Variants in BCOR observed in about 807,000 individuals in gnomAD.
BCOR encodes BCL-6 corepressor.
A neutral mutation model predicts 86.7 loss-of-function variants in BCOR; 10 were observed. The ratio of observed to expected loss-of-function variants is 0.12; its 90% CI spans 0.07 to 0.20. The LOEUF is 0.20. Ranked by LOEUF, BCOR falls within the 10% of genes least tolerant of loss-of-function variation. The pLI is 1.00. For synonymous variants in BCOR, 611 were observed against 609.0 expected, an observed-to-expected ratio of 1.00 and a Z score of -0.05; for missense variants, 1,259 against 1,452.1, an observed-to-expected ratio of 0.87 and a Z score of 2.16.
At chrX:40,105,020 G>A (rs1468278728) in intron 1 of BCOR, among the ~76,000 whole-genome samples, 1 of 111,155 alleles carries the variant, frequency 9.0e-6, no homozygotes, top group Non-Finnish European at 1.9e-5. Flanking sequence ...GGGCCCGCGG[G>A]TAAGCTGAGT....
intron 1 of BCOR, among the ~76,000 whole-genome samples, chrX:40,146,075 C>T (rs916766179): frequency 2.7e-5 from 3 of 112,519 alleles, no homozygotes; most frequent in Admixed American, 9.3e-5. Context: ...CACCCTGCAA[C>T]ACAGTACACG....
intron 10 of BCOR, among the ~76,000 whole-genome samples, chrX:40,060,467 G>A (rs1310176701): frequency 8.9e-6 from 1 of 112,328 alleles, no homozygotes; most frequent in Non-Finnish European, 1.9e-5. Context: ...ACCCACAAGG[G>A]TCTCTTGAAG....
intron 7 of BCOR, 43 bp from the exon 8 acceptor site, chrX:40,063,995 G>A (rs373378221): frequency 2.5e-5 from 25 of 1,005,260 alleles, no homozygotes; most frequent in East Asian, 1.0e-4. Context: ...AGCCCCCCGG[G>A]GGGGAACAAA....
In BCOR at chrX:40,071,179, G is replaced by GA; in HGVS notation, c.3052-21_3052-20insT. On this transcript the variant is annotated intron_variant, in intron 5 of 14. Transcript: ENST00000378444. ...TGCACGCTAGAAAGAGAACGGAGATGGAAAAAAAAAAAAACAACACCTTAC... is the reference window on the plus strand; with the variant it reads ...TGCACGCTAGAAAGAGAACGGAGATGAGAAAAAAAAAAAAACAACACCTTAC... 3.6e-6 allele frequency: 4 copies of GA among 1,113,847 alleles called. No homozygotes were observed. Among genetic ancestry groups the GA allele is most frequent in the Admixed American group, 2.7e-5 (1 of 36,372 alleles). The allele number at this position is 1,113,847 out of a possible 1,213,427, so 91.8% of individuals were successfully genotyped here. A position where few individuals can be genotyped will look rare whatever the true frequency, so the allele number is the denominator to read the frequency against.
Position 40,062,845 on chromosome X carries a change from G to A in BCOR, c.4074C>T (p.Ser1358=), listed in dbSNP as rs182401624. 24 of 1,210,043 alleles carry A rather than the reference G, an allele frequency of 2.0e-5. No individual in the cohort carries two copies. Among genetic ancestry groups the A allele is most frequent in the East Asian group, 3.0e-5 (1 of 33,768 alleles). ...GTTTGGTTTTGCACAGTCTCTTCCC[G>A]GATGGCTTCTCGCTGTTGTCGGTGT... The part of the protein sequence containing the change: ...QKYTDNSEKP[S]GKRLCKTKHL... Residue 1358 remains serine, a synonymous_variant, in exon 9 of 15, where the codon TCC becomes TCT. Transcript: ENST00000378444.
At chrX:40,172,873 TCCTCGGCA>T (rs772263482) in intron 1 of BCOR, among the ~76,000 whole-genome samples, 3 of 112,479 alleles carry the variant, frequency 2.7e-5, no homozygotes, top group Non-Finnish European at 3.8e-5. Context: ...GATAAGGAGT[TCCTCGGCA>T]ATCGGCTGTC....
intron 6 of BCOR, among the ~76,000 whole-genome samples, chrX:40,068,688 G>C (rs780263525): frequency 8.8e-6 from 1 of 113,049 alleles, no homozygotes; most frequent in East Asian, 2.8e-4. Flanking sequence ...ACACCTCCGT[G>C]TTCCCTACCC....
Position 40,065,047 on chromosome X carries a change from C to T in BCOR, c.3239-448G>A, listed in dbSNP as rs1935131633. On this transcript the variant is annotated intron_variant, in intron 6 of 14. Transcript: ENST00000378444. ...CTGATAGGATAAAGTGACCAAATAT[C>T]CCCAAAATGTCATCTATCGAAGGGA... Among the ~76,000 whole-genome samples, 5 of 112,149 alleles carry T rather than the reference C, an allele frequency of 4.5e-5. No homozygotes were observed. In the Admixed American group the frequency reaches 4.7e-4, roughly 11 times the overall value.
At chrX:40,124,306 T>C (rs1937519401) in intron 1 of BCOR, among the ~76,000 whole-genome samples, 1 of 109,684 alleles carries the variant, frequency 9.1e-6, no homozygotes, top group African/African-American at 3.3e-5. Context: ...AGCATCTCAC[T>C]CTGTCACCCA....
intron 1 of BCOR, among the ~76,000 whole-genome samples, chrX:40,175,778 G>C (rs1248093757): frequency 8.8e-6 from 1 of 113,065 alleles, no homozygotes; most frequent in Non-Finnish European, 1.9e-5. Context: ...TCCCCGCTAC[G>C]AGACCGTTCC....
At chrX:40,146,247 G>A (rs931150848) in intron 1 of BCOR, among the ~76,000 whole-genome samples, 4 of 111,635 alleles carry the variant, frequency 3.6e-5, no homozygotes, top group African/African-American at 1.3e-4. Flanking sequence ...GCGGAGGCGC[G>A]GAGCCGGGGC....
intron 1 of BCOR, among the ~76,000 whole-genome samples, chrX:40,111,927 C>T (rs768412871): frequency 9.0e-6 from 1 of 111,217 alleles, no homozygotes; most frequent in African/African-American, 3.3e-5. Flanking sequence ...GGTGGAATTT[C>T]ACTGTATAGA....
chrX:40,063,738 C>G lies in BCOR; in HGVS notation c.3717G>C (p.Gln1239His). Residue 1239 changes from glutamine (Q) to histidine (H), a missense_variant, in exon 8 of 15, where the codon CAG becomes CAC. By Grantham distance (24) the Gln-to-His change is conservative. This residue lies in a region of BCOR where 305 missense variants were observed against 286.1 expected (regional missense o/e 1.07). Transcript: ENST00000378444. Reference sequence around the variant, plus strand: ...GAGGAATGGCCTCAGGCTGAGTGGCCTGGGTCACTTCCTTCCTGCTTTGCC... The same window carrying G: ...GAGGAATGGCCTCAGGCTGAGTGGCGTGGGTCACTTCCTTCCTGCTTTGCC... ...PGRQSRKEVT[Q>H]ATQPEAIPQG... 2 of 1,211,979 alleles carry G rather than the reference C, an allele frequency of 1.7e-6. No individual in the cohort carries two copies. The highest frequency in any genetic ancestry group is 2.2e-6 in the Non-Finnish European group (2 of 895,544).
At chrX:40,101,959 A>G, upstream of BCOR, among the ~76,000 whole-genome samples, 1 of 111,821 alleles carries the variant, frequency 8.9e-6, no homozygotes, top group Non-Finnish European at 1.9e-5. Context: ...ACTTTGTACA[A>G]GAACTCTGGG....
At chrX:40,101,787 C>T (rs1381307737), upstream of BCOR, among the ~76,000 whole-genome samples, 1 of 112,804 alleles carries the variant, frequency 8.9e-6, no homozygotes, top group Non-Finnish European at 1.9e-5. Context: ...AAGCTTATAA[C>T]GTATGTGTAG....
intron 1 of BCOR, among the ~76,000 whole-genome samples, chrX:40,136,305 T>C (rs1467943283): frequency 8.9e-6 from 1 of 111,942 alleles, no homozygotes; most frequent in Non-Finnish European, 1.9e-5. Flanking sequence ...CACTGACATG[T>C]ATGTAGGAAA....
At chrX:40,176,798 C>A (rs1469306092) in intron 1 of BCOR, among the ~76,000 whole-genome samples, 2 of 111,663 alleles carry the variant, frequency 1.8e-5, no homozygotes, top group Non-Finnish European at 3.8e-5. Context: ...CGGCCCTTGT[C>A]CCAGCCCGGC....
Position 40,073,710 on chromosome X carries a change from G to A in BCOR, c.1636C>T (p.Arg546Cys), listed in dbSNP as rs749267751. 1 of 1,212,602 alleles carries A rather than the reference G, an allele frequency of 8.2e-7. No homozygotes were observed. The highest frequency in any genetic ancestry group is 1.1e-6 in the Non-Finnish European group (1 of 895,684). The change falls in exon 4 of 15, where the codon CGC becomes TGC. Residue 546 changes from arginine to cysteine, a missense_variant. By Grantham distance (180) the Arg-to-Cys change is radical. Around this residue, in one of 7 missense-constraint regions of BCOR, gnomAD observed 534 missense variants for 594.8 expected, o/e 0.90. Transcript: ENST00000378444. Reference sequence around the variant, plus strand: ...ATGACAGCATCGGTGCCGCCCATGCGCGGGCATGATGAACTCCGCTGCTGT... The same window carrying A: ...ATGACAGCATCGGTGCCGCCCATGCACGGGCATGATGAACTCCGCTGCTGT... Reference protein sequence around the residue: ...IPQQRSSSCPRMGGTDAVITN... With the variant: ...IPQQRSSSCPCMGGTDAVITN...
At chrX:40,158,861 G>A (rs1445858038) in intron 1 of BCOR, among the ~76,000 whole-genome samples, 1 of 112,491 alleles carries the variant, frequency 8.9e-6, no homozygotes, top group Non-Finnish European at 1.9e-5. Flanking sequence ...GACCTAGGGG[G>A]ATCCAAAAGT....
Sources: allele counts gnomAD v4.1 joint callset (sites outside exome capture counted in the v4.1 genomes callset), GRCh38; gene constraint gnomAD v4.1.1; regional missense constraint gnomAD v4.1.1; transcripts MANE v1.5; gene names NCBI Gene and HGNC (gene_info 2026-07-23, HGNC 2026-07-21).